Variants in SRPK2 observed in about 807,000 individuals in gnomAD.
The protein encoded by SRPK2 is SFRS protein kinase 2.
A neutral mutation model predicts 90.8 loss-of-function variants in SRPK2; 21 were observed. The ratio of observed to expected loss-of-function variants is 0.23; its 90% CI spans 0.16 to 0.33. SRPK2 has a LOEUF of 0.33. Among genes scored for constraint, SRPK2 ranks in the 10% least tolerant of loss-of-function variants. SRPK2 has a pLI of 1.00. For synonymous variants in SRPK2, 288 were observed against 311.1 expected, an observed-to-expected ratio of 0.93 and a Z score of 0.78; for missense variants, 620 against 869.0, an observed-to-expected ratio of 0.71 and a Z score of 3.60.
chr7:105,396,142 C>G (rs972054192), intron 1 of SRPK2, among the ~76,000 whole-genome samples: 3 of 151,634 alleles, frequency 2.0e-5, no homozygotes, highest in African/African-American at 7.3e-5. Flanking sequence ...CTCGAACTCC[C>G]GACCTCAGGT....
At chr7:105,255,697 T>C (rs1022650762) in intron 2 of SRPK2, among the ~76,000 whole-genome samples, 1 of 152,086 alleles carries the variant, frequency 6.6e-6, no homozygotes, top group African/African-American at 2.4e-5. Flanking sequence ...TTTGGGAGGC[T>C]GAGGCGGGCA....
chr7:105,250,811 A>G (rs1344513502), intron 2 of SRPK2, among the ~76,000 whole-genome samples: 1 of 152,208 alleles, frequency 6.6e-6, no homozygotes, highest in African/African-American at 2.4e-5. Context: ...TCCATTAAAC[A>G]AGTAGATGAA....
intron 15 of SRPK2, among the ~76,000 whole-genome samples, chr7:105,125,298 T>C (rs1801028611): frequency 6.6e-6 from 1 of 152,110 alleles, no homozygotes; most frequent in Non-Finnish European, 1.5e-5. Context: ...CTTAATACAG[T>C]GTGGCATAAC....
chr7:105,165,733 G>A (rs951724442), intron 6 of SRPK2, among the ~76,000 whole-genome samples: 10 of 152,210 alleles, frequency 6.6e-5, no homozygotes, highest in African/African-American at 2.4e-4. Flanking sequence ...ACGGACAAAT[G>A]AGGGAATAAA....
chr7:105,307,512 T>C (rs147786024), intron 2 of SRPK2, among the ~76,000 whole-genome samples: 14 of 152,380 alleles, frequency 9.2e-5, no homozygotes, highest in African/African-American at 3.4e-4. Flanking sequence ...ATTTGTCATC[T>C]GACATGTGCT....
At chr7:105,389,273 T>C, upstream of SRPK2, 4 of 1,273,638 alleles carry the variant, frequency 3.1e-6, no homozygotes, top group Non-Finnish European at 4.1e-6. Flanking sequence ...CGCTGCTCCA[T>C]GCGCCCGTCC....
At chr7:105,391,539 G>A (rs1822183736), upstream of SRPK2, among the ~76,000 whole-genome samples, 1 of 152,096 alleles carries the variant, frequency 6.6e-6, no homozygotes, top group South Asian at 2.1e-4. Context: ...GGCCAAACGT[G>A]ATGTCTCACA....
chr7:105,319,612 A>G (rs1812708626), intron 2 of SRPK2, among the ~76,000 whole-genome samples: 1 of 148,656 alleles, frequency 6.7e-6, no homozygotes, highest in African/African-American at 2.5e-5. Context: ...CCTGAGAAGG[A>G]CTCCGTACTT....
At chr7:105,218,192 C>T (rs1225764472) in intron 2 of SRPK2, among the ~76,000 whole-genome samples, 1 of 152,126 alleles carries the variant, frequency 6.6e-6, no homozygotes, top group Non-Finnish European at 1.5e-5. Flanking sequence ...AGGTTGAGAC[C>T]AGATTTTGAC....
rs1163078650 is a variant in SRPK2, at chr7:105,189,759, TAAAGAA to T, written c.229+13863_229+13868del. On this transcript the variant is annotated intron_variant, in intron 3 of 15. Coordinates refer to ENST00000393651, the MANE Select transcript of SRPK2 (RefSeq NM_182692.3). ...GACTCGGTCTCCGAAAAGAAAAAGA[TAAAGAA>T]AAGGAAAAACAAAGAAGAATCTGAG... The T allele has an allele frequency of 2.0e-5, 3 of 152,674 alleles. No individual in the cohort carries two copies. The Middle Eastern group carries it at 0.01, about 516-fold the overall frequency. 9.5% of individuals were successfully genotyped at this position (152,674 alleles called of 1,614,324 possible).
intron 2 of SRPK2, among the ~76,000 whole-genome samples, chr7:105,345,585 C>T (rs1426880528): frequency 6.6e-6 from 1 of 152,174 alleles, no homozygotes; most frequent in Non-Finnish European, 1.5e-5. Context: ...CAGGGAATAA[C>T]ATGAAAGACA....
rs560798695 is a variant in SRPK2, at chr7:105,144,938, T to C, written c.813+345A>G. Among the ~76,000 whole-genome samples the C allele has an allele frequency of 1.4e-3, 207 of 152,122 alleles. 2 individuals are homozygous for C. Among genetic ancestry groups the C allele is most frequent in the Admixed American group, 1.8e-3 (28 of 15,272 alleles). On this transcript the variant is annotated intron_variant, in intron 9 of 15. Transcript: ENST00000393651. ...TCTGGCCAACATGGTGAAACCCCTCTCTACTAAAAATACAAAAATTAGTTG... is the reference window on the plus strand; with the variant it reads ...TCTGGCCAACATGGTGAAACCCCTCCCTACTAAAAATACAAAAATTAGTTG...
At chr7:105,340,906 TATTA>T (rs1458564847) in intron 2 of SRPK2, among the ~76,000 whole-genome samples, 1 of 152,176 alleles carries the variant, frequency 6.6e-6, no homozygotes, top group African/African-American at 2.4e-5. Context: ...TCTAATGAGA[TATTA>T]ATGTTTTTTT....
intron 2 of SRPK2, among the ~76,000 whole-genome samples, chr7:105,379,500 A>G (rs1034290648): frequency 5.3e-5 from 8 of 152,220 alleles, no homozygotes; most frequent in African/African-American, 1.9e-4. Context: ...GAAATTCAAG[A>G]ACAGACAAAA....
At chr7:105,181,737 CAG>C (rs1792840035) in intron 3 of SRPK2, among the ~76,000 whole-genome samples, 1 of 151,876 alleles carries the variant, frequency 6.6e-6, no homozygotes, top group African/African-American at 2.4e-5. Flanking sequence ...GGTGGAAGAA[CAG>C]AGAGAATTAG....
Position 105,128,245 on chromosome 7 carries a change from G to A in SRPK2, c.1753-1183C>T, listed in dbSNP as rs562454804. Among the ~76,000 whole-genome samples the A allele has an allele frequency of 5.3e-5, 8 of 152,284 alleles. No homozygotes were observed. In the South Asian group the frequency reaches 6.2e-4, roughly 12 times the overall value. On this transcript the variant is annotated intron_variant, in intron 13 of 15. Coordinates refer to ENST00000393651, the MANE Select transcript of SRPK2 (RefSeq NM_182692.3). ...CAAGATGGCTTCCAGCTGACCGAGC[G>A]ATAAGCATTAATTTATGAACTCAGG... is the stretch of plus-strand genomic sequence containing the variant.
intron 2 of SRPK2, among the ~76,000 whole-genome samples, chr7:105,266,664 A>G (rs909650486): frequency 3.9e-5 from 6 of 152,142 alleles, no homozygotes; most frequent in African/African-American, 1.2e-4. Flanking sequence ...TTTAAGTGAA[A>G]GCAAAAACTC....
At chr7:105,359,575 C>T (rs1042027246) in intron 2 of SRPK2, among the ~76,000 whole-genome samples, 1 of 152,128 alleles carries the variant, frequency 6.6e-6, no homozygotes, top group Non-Finnish European at 1.5e-5. Context: ...AATTGTCTAA[C>T]GTCAATTTGT....
At position 105,347,247 on chromosome 7, in the gene SRPK2, A is replaced by T. The variant is rs114640634; in HGVS notation, c.71+41401T>A. 8.6e-3 allele frequency among the ~76,000 whole-genome samples: 1,307 copies of T among 152,124 alleles called. 18 individuals are homozygous for T. Among genetic ancestry groups the T allele is most frequent in the African/African-American group, 0.029 (1,214 of 41,512 alleles). ...CCCGGCTAATTATTTAATTTAGTAGAGACAGGGTCTTGCTATGTTGCCCAG... is the reference window on the plus strand; with the variant it reads ...CCCGGCTAATTATTTAATTTAGTAGTGACAGGGTCTTGCTATGTTGCCCAG... On this transcript the variant is annotated intron_variant, in intron 2 of 15. Coordinates refer to ENST00000393651, the MANE Select transcript of SRPK2 (RefSeq NM_182692.3).
Sources: allele counts gnomAD v4.1 joint callset (sites outside exome capture counted in the v4.1 genomes callset), GRCh38; gene constraint gnomAD v4.1.1; transcripts MANE v1.5; gene names NCBI Gene and HGNC (gene_info 2026-07-23, HGNC 2026-07-21).